The following ANKDD1B variants were observed in gnomAD, a reference collection of about 807,000 sequenced individuals.
ANKDD1B encodes the protein ankyrin repeat and death domain containing 1B, also known as ankyrin repeat and death domain-containing protein 1B.
In ANKDD1B, 57 loss-of-function variants were observed where a neutral mutation model predicts 59.7. The observed-to-expected ratio is 0.95, with a 90% CI of 0.77 to 1.19. ANKDD1B has a LOEUF of 1.19. Ranked by LOEUF, ANKDD1B falls within the 50% of genes most tolerant of loss-of-function variation. The pLI is 0.00. For missense variants in ANKDD1B, 602 were observed against 641.9 expected, an observed-to-expected ratio of 0.94 and a Z score of 0.67; for synonymous variants, 216 against 239.5, an observed-to-expected ratio of 0.90 and a Z score of 0.91.
chr5:75,617,877 A>G (rs1470162565), intron 2 of ANKDD1B, among the ~76,000 whole-genome samples: 1 of 152,210 alleles, frequency 6.6e-6, no homozygotes, highest in African/African-American at 2.4e-5. Context: ...CTGAAGCTGC[A>G]GAATCTGAAA....
At chr5:75,663,525 C>G (rs1258466071) in intron 11 of ANKDD1B, 36 bp downstream of exon 11, 44 of 1,482,974 alleles carry the variant, frequency 3.0e-5, no homozygotes, top group Non-Finnish European at 3.8e-5. Context: ...CAGGGGCTTT[C>G]CTGGCAACAC....
chr5:75,659,343 C>G lies in ANKDD1B; in HGVS notation c.1057C>G (p.Leu353Val), dbSNP rs1002288857. ...DRGNVELVET[L>V]LKAGCDLKAV... ...TGGAAATGTGGAACTGGTGGAAACC[C>G]TGCTGAAGGCAGGCTGTGACTTGAA... The change falls in exon 10 of 14, where the codon CTG becomes GTG. Residue 353 changes from leucine to valine, a missense_variant. This residue lies in a region of ANKDD1B where 280 missense variants were observed against 319.8 expected (regional missense o/e 0.88). Coordinates refer to ENST00000601380, the MANE Select transcript of ANKDD1B (RefSeq NM_001276713.2). 5 of 1,536,014 alleles carry G rather than the reference C, an allele frequency of 3.3e-6. No individual in the cohort carries two copies. In the African/African-American group the frequency reaches 4.1e-5, roughly 13 times the overall value.
intron 1 of ANKDD1B, among the ~76,000 whole-genome samples, chr5:75,616,529 T>C (rs912970907): frequency 6.6e-6 from 1 of 152,208 alleles, no homozygotes; most frequent in Admixed American, 6.5e-5. Context: ...CTAAGCCAGA[T>C]ACCAGGTTAC....
At chr5:75,631,662 C>T (rs77561716) in intron 5 of ANKDD1B, among the ~76,000 whole-genome samples, 3,467 of 152,268 alleles carry the variant, frequency 0.023, 144 homozygotes, top group African/African-American at 0.078. Context: ...ACAATACCTC[C>T]TGGACAGCTA....
intron 7 of ANKDD1B, among the ~76,000 whole-genome samples, chr5:75,639,275 CAA>C (rs978702131): frequency 2.0e-5 from 3 of 152,164 alleles, no homozygotes; most frequent in African/African-American, 7.2e-5. Context: ...CGGCTCACTG[CAA>C]ACTCTGCCTC....
chr5:75,664,421 G>C (rs1775254798), intron 11 of ANKDD1B, among the ~76,000 whole-genome samples: 1 of 152,114 alleles, frequency 6.6e-6, no homozygotes, highest in East Asian at 1.9e-4. Flanking sequence ...AAAGTGCTTT[G>C]CTTGTAAAAC....
intron 7 of ANKDD1B, among the ~76,000 whole-genome samples, chr5:75,640,300 C>G (rs1034316348): frequency 1.3e-5 from 2 of 152,184 alleles, no homozygotes; most frequent in African/African-American, 2.4e-5. Context: ...CTGCCTCAGC[C>G]TCCCAAAGTG....
chr5:75,620,662 G>A (rs916438615), intron 3 of ANKDD1B, among the ~76,000 whole-genome samples: 2 of 152,170 alleles, frequency 1.3e-5, no homozygotes, highest in African/African-American at 2.4e-5. Flanking sequence ...ATGGCCAATA[G>A]CATGCATTTG....
In ANKDD1B at chr5:75,671,188, T is replaced by C. The variant is rs1242021376; in HGVS notation, c.*148T>C. On this transcript the variant is annotated 3_prime_UTR_variant, in exon 14 of 14. Transcript: ENST00000601380. ...AACAGATGAAAGAAGAGTAATACCA[T>C]GATACTTTTCAACCACTAAAAAGTC... 2 of 397,762 alleles carry C rather than the reference T, an allele frequency of 5.0e-6. No individual in the cohort carries two copies. Among genetic ancestry groups the C allele is most frequent in the East Asian group, 7.3e-5 (2 of 27,338 alleles). 24.6% of individuals were successfully genotyped at this position (397,762 alleles called of 1,614,324 possible). A position where few individuals can be genotyped will look rare whatever the true frequency, so the allele number is the denominator to read the frequency against.
intron 7 of ANKDD1B, among the ~76,000 whole-genome samples, chr5:75,637,099 G>A (rs1052689019): frequency 6.6e-6 from 1 of 151,628 alleles, no homozygotes; most frequent in Non-Finnish European, 1.5e-5. Context: ...TACAAAATTA[G>A]CCGGGTGTAC....
intron 1 of ANKDD1B, among the ~76,000 whole-genome samples, chr5:75,612,988 A>T (rs576061307): frequency 1.1e-4 from 16 of 152,352 alleles, no homozygotes; most frequent in Admixed American, 7.8e-4. Flanking sequence ...AAGTTGGTTT[A>T]CCAGACCTCT....
intron 7 of ANKDD1B, among the ~76,000 whole-genome samples, chr5:75,648,720 C>T (rs1774732259): frequency 6.6e-6 from 1 of 152,168 alleles, no homozygotes; most frequent in Non-Finnish European, 1.5e-5. Flanking sequence ...ACCTATCTGT[C>T]CAACCCAGTG....
intron 5 of ANKDD1B, among the ~76,000 whole-genome samples, chr5:75,630,594 C>T (rs190356608): frequency 3.3e-5 from 5 of 152,280 alleles, no homozygotes; most frequent in Admixed American, 1.3e-4. Flanking sequence ...GTAGCAACCA[C>T]GGGTAAAAGA....
intron 7 of ANKDD1B, among the ~76,000 whole-genome samples, chr5:75,651,554 T>C (rs965693311): frequency 3.9e-5 from 6 of 152,166 alleles, no homozygotes; most frequent in Non-Finnish European, 5.9e-5. Context: ...ATGCTGAGCA[T>C]TGAATGTCTG....
At chr5:75,615,424 G>A (rs142850757) in intron 1 of ANKDD1B, among the ~76,000 whole-genome samples, 2 of 152,234 alleles carry the variant, frequency 1.3e-5, no homozygotes, top group African/African-American at 4.8e-5. Context: ...GACAAGAGTA[G>A]GGGTAGGAAC....
chr5:75,624,652 C>T (rs181798239), intron 3 of ANKDD1B, among the ~76,000 whole-genome samples: 151 of 152,050 alleles, frequency 9.9e-4, no homozygotes, highest in African/African-American at 3.4e-3. Flanking sequence ...TTTTTTTCAC[C>T]TGTGTGTACC....
rs907468995 is a variant in ANKDD1B, at chr5:75,663,428, G to A, written c.1130G>A (p.Ser377Asn). ...GKTALAVASR[S>N]NHSLVVGMLI... is the part of the protein sequence containing the mutation. ...ACTGCCCTGGCTGTGGCCTCCAGGA[G>A]CAACCATAGCCTTGTCGTGGGCATG... The change falls in exon 11 of 14, where the codon AGC becomes AAC. Residue 377 changes from serine (S) to asparagine (N), a missense_variant. This residue lies in a region of ANKDD1B where 280 missense variants were observed against 319.8 expected (regional missense o/e 0.88). Coordinates refer to ENST00000601380, the MANE Select transcript of ANKDD1B (RefSeq NM_001276713.2). The A allele has an allele frequency of 6.5e-7, 1 of 1,536,374 alleles. No homozygotes were observed. Among genetic ancestry groups the A allele is most frequent in the Non-Finnish European group, 8.7e-7 (1 of 1,146,956 alleles).
intron 7 of ANKDD1B, among the ~76,000 whole-genome samples, chr5:75,642,504 G>A (rs1774502221): frequency 7.3e-6 from 1 of 137,340 alleles, no homozygotes; most frequent in South Asian, 2.7e-4. Context: ...CTGGAAAATC[G>A]GGTCACTCCC....
chr5:75,669,304 C>A lies in ANKDD1B; in HGVS notation c.1446C>A (p.His482Gln). 8.1e-7 allele frequency: 1 copy of A among 1,232,110 alleles called. No individual in the cohort carries two copies. The highest frequency in any genetic ancestry group is 4.1e-5 in the South Asian group (1 of 24,312). The allele number at this position is 1,232,110 out of a possible 1,614,324, so 76.3% of individuals were successfully genotyped here. Residue 482 changes from histidine to glutamine, a missense_variant, in exon 13 of 14, where the codon CAC (histidine) becomes CAA (glutamine). By Grantham distance (24) the His-to-Gln change is conservative. Around this residue, in one of 3 missense-constraint regions of ANKDD1B, gnomAD observed 280 missense variants for 319.8 expected, o/e 0.88. Coordinates refer to ENST00000601380, the MANE Select transcript of ANKDD1B (RefSeq NM_001276713.2). ...ACAGGGCTCTGCTTATCTGGCTACA[C>A]GGGACCCTGATGACTCAGGGTGACC... ...HGHRALLIWLHGTLMTQGDPA... is the reference protein window; with the variant it reads ...HGHRALLIWLQGTLMTQGDPA...
Sources: allele counts gnomAD v4.1 joint callset (sites outside exome capture counted in the v4.1 genomes callset), GRCh38; gene constraint gnomAD v4.1.1; regional missense constraint gnomAD v4.1.1; transcripts MANE v1.5; gene names NCBI Gene and HGNC (gene_info 2026-07-23, HGNC 2026-07-21).